ST8SIA1: variants seen among roughly 807,000 people sequenced by gnomAD.
ST8SIA1 encodes alpha-N-acetylneuraminide alpha-2,8-sialyltransferase.
ST8SIA1 carries 16 observed loss-of-function variants against 35.9 expected under a neutral mutation model. The ratio of observed to expected loss-of-function variants is 0.45; its 90% CI spans 0.30 to 0.68. The LOEUF (loss-of-function observed/expected upper bound fraction) is 0.68, where lower values mean the gene tolerates loss of function less well. Ranked by LOEUF, ST8SIA1 falls within the 30% of genes least tolerant of loss-of-function variation. The pLI is 0.09. For missense variants in ST8SIA1, 383 were observed against 453.6 expected (o/e 0.84, Z 1.41); for synonymous variants, 170 against 169.6 (o/e 1.00, Z -0.02).
At chr12:22,290,360 G>A (rs1866159369) in intron 1 of ST8SIA1, among the ~76,000 whole-genome samples, 1 of 152,118 alleles carries the variant, frequency 6.6e-6, no homozygotes, top group South Asian at 2.1e-4. Context: ...AGCAAAAACA[G>A]GAATAGTACT....
chr12:22,334,333 AC>A lies in ST8SIA1; in HGVS notation c.-102del. 1 of 864,950 alleles carries A rather than the reference AC, an allele frequency of 1.2e-6. No homozygotes were observed. Among genetic ancestry groups the A allele is most frequent in the South Asian group, 1.6e-5 (1 of 62,196 alleles). The allele number at this position is 864,950 out of a possible 1,614,324, so 53.6% of individuals were successfully genotyped here. On this transcript the variant is annotated 5_prime_UTR_variant, in exon 1 of 5. Transcript: ENST00000396037. ...CACCGCCAGCCCCCCATGCACACAC[AC>A]CTTTGGTTCTCTTACTTGCAAACGC...
intron 4 of ST8SIA1, chr12:22,223,596 C>T: frequency 9.4e-7 from 1 of 1,067,752 alleles, no homozygotes; most frequent in Non-Finnish European, 1.1e-6. Flanking sequence ...ATTCAAGCAG[C>T]ATGAGTCTGG....
intron 1 of ST8SIA1, among the ~76,000 whole-genome samples, chr12:22,321,166 G>A (rs943553256): frequency 9.9e-5 from 15 of 152,152 alleles, no homozygotes; most frequent in African/African-American, 3.6e-4. Flanking sequence ...CTGTCCCTGA[G>A]CCATGGAGAA....
intron 4 of ST8SIA1, among the ~76,000 whole-genome samples, chr12:22,221,134 T>C (rs1865294625): frequency 6.6e-6 from 1 of 152,132 alleles, no homozygotes; most frequent in Non-Finnish European, 1.5e-5. Context: ...ACCAGTCTCC[T>C]TGGAGAAGCA....
Position 22,193,839 on chromosome 12 carries a change from T to C in ST8SIA1, c.*7713A>G, listed in dbSNP as rs762478446. The C allele has an allele frequency of 5.3e-5, 8 of 151,974 alleles. No homozygotes were observed. The highest frequency in any genetic ancestry group is 1.0e-4 in the Non-Finnish European group (7 of 68,002). 9.4% of individuals were successfully genotyped at this position (151,974 alleles called of 1,614,324 possible). ...CAGAATTATTATATCCATGAACTAG[T>C]AGTCAGATTATATTATATGAGAAAA... On this transcript the variant is annotated 3_prime_UTR_variant, in exon 5 of 5. Coordinates refer to ENST00000396037, the MANE Select transcript of ST8SIA1 (RefSeq NM_003034.4).
At chr12:22,238,784 T>C (rs1266275519) in intron 4 of ST8SIA1, among the ~76,000 whole-genome samples, 3 of 152,238 alleles carry the variant, frequency 2.0e-5, no homozygotes, top group Non-Finnish European at 4.4e-5. Context: ...TATTGTTTTA[T>C]ACAGATAAAA....
intron 4 of ST8SIA1, among the ~76,000 whole-genome samples, chr12:22,209,813 A>G (rs756638696): frequency 6.6e-6 from 1 of 152,142 alleles, no homozygotes; most frequent in African/African-American, 2.4e-5. Flanking sequence ...TTTAATATAC[A>G]TCTTTACTGT....
intron 4 of ST8SIA1, among the ~76,000 whole-genome samples, chr12:22,217,456 T>C (rs563683491): frequency 2.9e-4 from 44 of 152,336 alleles, no homozygotes; most frequent in African/African-American, 1.1e-3. Context: ...TTCATGTTCA[T>C]ATCTGTGTCT....
intron 4 of ST8SIA1, among the ~76,000 whole-genome samples, chr12:22,211,283 T>G (rs1865172842): frequency 6.6e-6 from 1 of 152,168 alleles, no homozygotes; most frequent in Admixed American, 6.5e-5. Context: ...TAGCCATGAT[T>G]GATTGAACCG....
rs1469136683 is a variant in ST8SIA1, at chr12:22,194,255, C to T, written c.*7297G>A. ...AATGATAAACAGTGACAGATTGATT[C>T]CTTGCTTCCGGTGTTTACTGGAGAA... On this transcript the variant is annotated 3_prime_UTR_variant, in exon 5 of 5. Transcript: ENST00000396037. 1 of 152,126 alleles carries T rather than the reference C, an allele frequency of 6.6e-6. No homozygotes were observed. The highest frequency in any genetic ancestry group is 2.4e-5 in the African/African-American group (1 of 41,422). The allele number at this position is 152,126 out of a possible 1,614,324, so 9.4% of individuals were successfully genotyped here.
rs151276505 is a variant in ST8SIA1 at position 22,320,569 on chromosome 12, G to GA, written c.236+13427dup. On this transcript the variant is annotated intron_variant, in intron 1 of 4. Transcript: ENST00000396037. ...ATCACCTGTAAAGAAGTGAAGCCGG[G>GA]AGCGGTGGCTTACACCTGTAATCCC... 2.2e-3 allele frequency among the ~76,000 whole-genome samples: 340 copies of GA among 152,322 alleles called. 12 individuals carry two copies. The East Asian group carries it at 0.061, about 27-fold the overall frequency.
chr12:22,295,369 A>T lies in ST8SIA1; in HGVS notation c.237-8076T>A, dbSNP rs542582589. Among the ~76,000 whole-genome samples the T allele has an allele frequency of 1.6e-4, 25 of 152,258 alleles. No homozygotes were observed. The East Asian group carries it at 4.3e-3, about 26-fold the overall frequency. ...AGATTAACAGGAGAAAAGTTTTAAA[A>T]TTTATTTAATGTAAGTTTTACAGGA... On this transcript the variant is annotated intron_variant, in intron 1 of 4. Coordinates refer to ENST00000396037, the MANE Select transcript of ST8SIA1 (RefSeq NM_003034.4).
In ST8SIA1 at chr12:22,251,605, A is replaced by G. The variant is rs995936329; in HGVS notation, c.492-2507T>C. Among the ~76,000 whole-genome samples, 8 of 152,218 alleles carry G rather than the reference A, an allele frequency of 5.3e-5. 1 individual carries two copies. Among genetic ancestry groups the G allele is most frequent in the Admixed American group, 3.3e-4 (5 of 15,280 alleles). On this transcript the variant is annotated intron_variant, in intron 3 of 4. Transcript: ENST00000396037. ...TTAGTTCCTCAACTCATAAATTGAT[A>G]ATTACAAAGATGTACACAAAAGGCA...
At chr12:22,320,477 G>A (rs927771894) in intron 1 of ST8SIA1, among the ~76,000 whole-genome samples, 6 of 152,168 alleles carry the variant, frequency 3.9e-5, no homozygotes, top group African/African-American at 1.2e-4. Flanking sequence ...CCACCCCCAC[G>A]GAGAGGGGAG....
chr12:22,274,916 A>AT (rs1865951996), intron 2 of ST8SIA1, among the ~76,000 whole-genome samples: 1 of 152,240 alleles, frequency 6.6e-6, no homozygotes, highest in African/African-American at 2.4e-5. Flanking sequence ...AGCAGAAAGC[A>AT]TGTGAGCCAG....
At chr12:22,278,341 TCAAA>T (rs1479967424) in intron 2 of ST8SIA1, among the ~76,000 whole-genome samples, 5 of 152,216 alleles carry the variant, frequency 3.3e-5, no homozygotes, top group African/African-American at 1.2e-4. Flanking sequence ...TAAAATATCC[TCAAA>T]CAATCTCCAT....
intron 4 of ST8SIA1, among the ~76,000 whole-genome samples, chr12:22,209,253 C>T (rs1865149397): frequency 6.6e-6 from 1 of 151,970 alleles, no homozygotes; most frequent in South Asian, 2.1e-4. Flanking sequence ...GCAAATAGCA[C>T]AACATAACAA....
intron 2 of ST8SIA1, among the ~76,000 whole-genome samples, chr12:22,266,848 T>TATACACACACAC (rs1555158440): frequency 9.7e-5 from 14 of 144,946 alleles, no homozygotes; most frequent in African/African-American, 3.4e-4. Flanking sequence ...CACAAAAGTA[T>TATACACACACAC]ACACACACAC....
intron 4 of ST8SIA1, among the ~76,000 whole-genome samples, chr12:22,235,621 C>A (rs1236941824): frequency 6.6e-6 from 1 of 152,120 alleles, no homozygotes. Flanking sequence ...AGATAATTAG[C>A]CAGTTTCACA....
Sources: gnomAD v4.1 joint callset for allele counts (sites outside exome capture counted in the v4.1 genomes callset) on GRCh38, gnomAD v4.1.1 for gene constraint, MANE v1.5 for transcripts, NCBI Gene and HGNC (gene_info 2026-07-23, HGNC 2026-07-21) for gene names.